SPG21: variants seen among roughly 807,000 people sequenced by gnomAD.
SPG21 encodes SPG21 abhydrolase domain containing, maspardin.
In SPG21, 26 loss-of-function variants were observed where a neutral mutation model predicts 38.9. The observed-to-expected ratio is 0.67, with a 90% CI of 0.49 to 0.93. The LOEUF (loss-of-function observed/expected upper bound fraction) is 0.93, where lower values mean the gene tolerates loss of function less well. Ranked by LOEUF, SPG21 falls within the 40% of genes least tolerant of loss-of-function variation. The pLI, the probability that SPG21 is intolerant of heterozygous loss-of-function variation, is 0.00. For synonymous variants in SPG21, 136 were observed against 128.9 expected, an observed-to-expected ratio of 1.05 and a Z score of -0.37; for missense variants, 333 against 376.5, an observed-to-expected ratio of 0.88 and a Z score of 0.96.
rs1429078467 is a variant in SPG21, at chr15:64,974,754, A to T, written c.307-7T>A. 1.2e-6 allele frequency: 2 copies of T among 1,614,138 alleles called. No individual in the cohort carries two copies. The highest frequency in any genetic ancestry group is 4.5e-5 in the East Asian group (2 of 44,862). On this transcript the variant is annotated splice_region_variant and splice_polypyrimidine_tract_variant and intron_variant, in intron 4 of 8. Coordinates refer to ENST00000204566, the MANE Select transcript of SPG21 (RefSeq NM_016630.7). Reference sequence around the variant, plus strand: ...AAGCGCCAAAAAGATGAACCTAATTATAAACAAATATAAGGCAGATTCTGA... The same window carrying T: ...AAGCGCCAAAAAGATGAACCTAATTTTAAACAAATATAAGGCAGATTCTGA...
rs760029589 is a variant in SPG21, at chr15:64,974,623, T to G, written c.431A>C (p.Asn144Thr). 1.7e-5 allele frequency: 28 copies of G among 1,614,124 alleles called. No homozygotes were observed. Among genetic ancestry groups the G allele is most frequent in the Non-Finnish European group, 2.3e-5 (27 of 1,180,034 alleles). ...TTACCTGTTTGCAGTCCAAGTTTGG[T>G]TGAAGATAGAGGTGTCACTGAAGGA... is the stretch of plus-strand genomic sequence containing the variant. ...CNSFSDTSIF[N>T]QTWTANSFWL... Residue 144 changes from asparagine to threonine, a missense_variant, in exon 5 of 9, where the codon AAC becomes ACC. Transcript: ENST00000204566.
chr15:64,972,704 C>T (rs897068710), intron 5 of SPG21, among the ~76,000 whole-genome samples: 10 of 152,032 alleles, frequency 6.6e-5, no homozygotes, highest in African/African-American at 2.2e-4. Flanking sequence ...TGGTGGCGGG[C>T]GCCTGTAGTC....
intron 8 of SPG21, among the ~76,000 whole-genome samples, chr15:64,964,767 A>G (rs903806608): frequency 6.6e-6 from 1 of 152,012 alleles, no homozygotes; most frequent in Non-Finnish European, 1.5e-5. Context: ...AGTAGCTGGG[A>G]CTACAGGTGT....
chr15:64,985,808 G>A (rs898748409), intron 1 of SPG21, among the ~76,000 whole-genome samples: 5 of 152,202 alleles, frequency 3.3e-5, no homozygotes, highest in Non-Finnish European at 1.5e-5. Flanking sequence ...AGACTCAACT[G>A]TGACCTTGGA....
intron 2 of SPG21, among the ~76,000 whole-genome samples, chr15:64,982,064 TCA>T (rs2085894896): frequency 6.6e-6 from 1 of 151,996 alleles, no homozygotes; most frequent in African/African-American, 2.4e-5. Flanking sequence ...CTTCCACAGG[TCA>T]CAGATGGTGA....
At chr15:64,967,640 A>C (rs2085569420) in intron 7 of SPG21, among the ~76,000 whole-genome samples, 1 of 151,984 alleles carries the variant, frequency 6.6e-6, no homozygotes. Context: ...TGCCCGGCTA[A>C]TTTTTGTATT....
intron 3 of SPG21, among the ~76,000 whole-genome samples, chr15:64,980,651 T>A (rs926835377): frequency 6.6e-6 from 1 of 151,630 alleles, no homozygotes; most frequent in East Asian, 1.9e-4. Flanking sequence ...GGCAGGAGAA[T>A]CGCTTGAACC....
At chr15:64,987,265 A>C (rs2086015495) in intron 1 of SPG21, 1 of 152,244 alleles carries the variant, frequency 6.6e-6, no homozygotes, top group African/African-American at 2.4e-5. Context: ...GCTGTGACTA[A>C]ATTTTTGTAG....
intron 7 of SPG21, among the ~76,000 whole-genome samples, chr15:64,967,462 T>C (rs747174213): frequency 4.3e-5 from 6 of 139,450 alleles, no homozygotes; most frequent in Non-Finnish European, 9.2e-5. Context: ...CATGTCCAGC[T>C]AATTTTCCTT....
intron 5 of SPG21, 116 bp downstream of exon 5, chr15:64,974,486 C>G (rs2085736688): frequency 7.8e-7 from 1 of 1,282,094 alleles, no homozygotes; most frequent in Non-Finnish European, 1.1e-6. Flanking sequence ...AAAAAAAAGC[C>G]AAGGAAGTTG....
chr15:64,983,711 CTATTT>C, intron 1 of SPG21, 118 bp from the exon 2 acceptor site: 1 of 696,126 alleles, frequency 1.4e-6, no homozygotes, highest in East Asian at 2.8e-5. Context: ...AGGAAACTGG[CTATTT>C]TGTCAGTATA....
intron 5 of SPG21, among the ~76,000 whole-genome samples, chr15:64,970,833 G>A (rs931843312): frequency 1.6e-4 from 24 of 151,974 alleles, no homozygotes; most frequent in African/African-American, 5.3e-4. Context: ...TCTGCCTCCC[G>A]GGCTCAAGCA....
In SPG21 at chr15:64,965,377, T is replaced by G. The variant is rs1192956933; in HGVS notation, c.753A>C (p.Lys251Asn). 1.2e-6 allele frequency: 2 copies of G among 1,614,092 alleles called. No homozygotes were observed. The highest frequency in any genetic ancestry group is 2.7e-5 in the African/African-American group (2 of 74,924). The change falls in exon 8 of 9, where the codon AAA (lysine) becomes AAC (asparagine). Residue 251 changes from lysine (K) to asparagine (N), a missense_variant. Transcript: ENST00000204566. ...LYPNARRAHL[K>N]TGGNFPYLCR... The stretch of plus-strand genomic sequence containing the variant: ...ACAGGTATGGGAAATTGCCTCCTGT[T>G]TTCAGATGAGCTCTTCGGGCATTAG...
At chr15:64,967,794 G>A (rs2085572759) in intron 7 of SPG21, among the ~76,000 whole-genome samples, 1 of 152,122 alleles carries the variant, frequency 6.6e-6, no homozygotes, top group Non-Finnish European at 1.5e-5. Context: ...TAGTAGTAGA[G>A]ACAGGGTCTC....
chr15:64,984,148 T>C (rs1412126437), intron 1 of SPG21, among the ~76,000 whole-genome samples: 2 of 152,166 alleles, frequency 1.3e-5, no homozygotes, highest in Non-Finnish European at 2.9e-5. Flanking sequence ...GAATCTGGTC[T>C]AGAAAATTTA....
At chr15:64,966,478 G>A (rs770178305) in intron 7 of SPG21, among the ~76,000 whole-genome samples, 14 of 152,208 alleles carry the variant, frequency 9.2e-5, no homozygotes, top group Non-Finnish European at 1.2e-4. Context: ...AATGTCCTGT[G>A]AGGACCATTG....
At chr15:64,978,513 G>A (rs2085828106) in intron 3 of SPG21, among the ~76,000 whole-genome samples, 1 of 152,064 alleles carries the variant, frequency 6.6e-6, no homozygotes, top group Non-Finnish European at 1.5e-5. Context: ...TACTGTTTAA[G>A]CACTTAGGTT....
At chr15:64,985,989 G>A (rs2085985118) in intron 1 of SPG21, among the ~76,000 whole-genome samples, 1 of 152,166 alleles carries the variant, frequency 6.6e-6, no homozygotes, top group Non-Finnish European at 1.5e-5. Flanking sequence ...AAAATCATCA[G>A]CCAGTCTTAT....
Position 64,981,171 on chromosome 15 carries a change from T to C in SPG21, c.64-146A>G, listed in dbSNP as rs2085878183. On this transcript the variant is annotated intron_variant, in intron 2 of 8. Coordinates refer to ENST00000204566, the MANE Select transcript of SPG21 (RefSeq NM_016630.7). ...GGAGCTCACACCAGATTAGCATGCA[T>C]GACAAACTCCTCTGATCTCCTTTTC... 5 of 859,246 alleles carry C rather than the reference T, an allele frequency of 5.8e-6. No individual in the cohort carries two copies. The East Asian group carries it at 1.1e-4, about 18-fold the overall frequency. The allele number at this position is 859,246 out of a possible 1,614,324, so 53.2% of individuals were successfully genotyped here. A position where few individuals can be genotyped will look rare whatever the true frequency, so the allele number is the denominator to read the frequency against.
Sources: gnomAD v4.1 joint callset for allele counts (sites outside exome capture counted in the v4.1 genomes callset) on GRCh38, gnomAD v4.1.1 for gene constraint, MANE v1.5 for transcripts, NCBI Gene and HGNC (gene_info 2026-07-23, HGNC 2026-07-21) for gene names.